The following LAMC1 variants were observed in gnomAD, a reference collection of about 807,000 sequenced individuals.
LAMC1 encodes laminin subunit gamma-1.
In LAMC1, 38 loss-of-function variants were observed where a neutral mutation model predicts 173.6. The observed-to-expected ratio is 0.22, with a 90% CI of 0.17 to 0.29. The LOEUF is 0.29. Among genes scored for constraint, LAMC1 ranks in the 10% least tolerant of loss-of-function variants. The pLI is 1.00. For missense variants in LAMC1, 1,824 were observed against 2,051.8 expected, an observed-to-expected ratio of 0.89 and a Z score of 2.14; for synonymous variants, 746 against 749.1, an observed-to-expected ratio of 1.00 and a Z score of 0.07.
chr1:183,071,705 C>A (rs1234796088), intron 1 of LAMC1, among the ~76,000 whole-genome samples: 1 of 152,176 alleles, frequency 6.6e-6, no homozygotes, highest in East Asian at 1.9e-4. Flanking sequence ...GCCGTATTTT[C>A]CCCATTTCTG....
intron 1 of LAMC1, among the ~76,000 whole-genome samples, chr1:183,053,610 A>G (rs1654496694): frequency 6.6e-6 from 1 of 151,928 alleles, no homozygotes; most frequent in East Asian, 1.9e-4. Flanking sequence ...AATCCAAAAC[A>G]TTCATAATGA....
In LAMC1 at chr1:183,144,362, G is replaced by C. The variant is rs1033910704; in HGVS notation, c.*1572G>C. ...GTAAATATACTTAGTCCTATTTCTAGAATGACACTCTGTTCACTTTGCTCA... is the reference window on the plus strand; with the variant it reads ...GTAAATATACTTAGTCCTATTTCTACAATGACACTCTGTTCACTTTGCTCA... On this transcript the variant is annotated 3_prime_UTR_variant, in exon 28 of 28. Coordinates refer to ENST00000258341, the MANE Select transcript of LAMC1 (RefSeq NM_002293.4). 3 of 152,642 alleles carry C rather than the reference G, an allele frequency of 2.0e-5. No homozygotes were observed. The highest frequency in any genetic ancestry group is 2.0e-4 in the Admixed American group (3 of 15,278). The allele number at this position is 152,642 out of a possible 1,614,324, so 9.5% of individuals were successfully genotyped here.
intron 27 of LAMC1, among the ~76,000 whole-genome samples, chr1:183,142,249 C>A (rs1244264700): frequency 1.3e-5 from 2 of 152,200 alleles, no homozygotes; most frequent in East Asian, 3.8e-4. Context: ...AACATGGTAG[C>A]TGTGCATTGA....
intron 9 of LAMC1, 33 bp downstream of exon 9, chr1:183,117,475 G>C (rs1317908850): frequency 6.2e-7 from 1 of 1,610,874 alleles, no homozygotes; most frequent in Non-Finnish European, 8.5e-7. Context: ...CTGACCTGCT[G>C]TGTGCCTCTG....
rs141552279 is a variant in LAMC1, at chr1:183,030,100, A to C, written c.418+5966A>C. On this transcript the variant is annotated intron_variant, in intron 1 of 27. Transcript: ENST00000258341. ...ATATTTTGTGACATGTGAAAATTTC[A>C]TGAAATTCAAATTTTAGTTACCCAT... 3.0e-4 allele frequency among the ~76,000 whole-genome samples: 46 copies of C among 152,356 alleles called. No homozygotes were observed. In the East Asian group the frequency reaches 8.1e-3, roughly 27 times the overall value.
At chr1:183,084,091 A>T (rs1370953101) in intron 1 of LAMC1, among the ~76,000 whole-genome samples, 1 of 152,190 alleles carries the variant, frequency 6.6e-6, no homozygotes, top group African/African-American at 2.4e-5. Flanking sequence ...GCTGTGGCTC[A>T]TGCCTGTAAT....
intron 23 of LAMC1, 73 bp downstream of exon 23, chr1:183,134,882 C>T: frequency 1.4e-6 from 2 of 1,474,122 alleles, no homozygotes; most frequent in Non-Finnish European, 1.9e-6. Context: ...TGTGATGATG[C>T]CGTACTTTCA....
intron 1 of LAMC1, among the ~76,000 whole-genome samples, chr1:183,036,693 A>T (rs1002673577): frequency 6.6e-6 from 1 of 152,158 alleles, no homozygotes; most frequent in Admixed American, 6.5e-5. Context: ...GCACAGCTGA[A>T]TGAATTCTTT....
chr1:183,133,282 C>T (rs1656848502), intron 21 of LAMC1, 124 bp from the exon 22 acceptor site: 8 of 777,936 alleles, frequency 1.0e-5, no homozygotes, highest in Non-Finnish European at 1.7e-5. Flanking sequence ...AAAATGCAAG[C>T]ATTTTAATGT....
chr1:183,116,073 T>C (rs1163537179), intron 6 of LAMC1, among the ~76,000 whole-genome samples: 1 of 145,258 alleles, frequency 6.9e-6, no homozygotes. Flanking sequence ...GAGCTTGCAG[T>C]GAGCCGAGAT....
At chr1:183,108,855 G>A (rs1247158429) in intron 3 of LAMC1, among the ~76,000 whole-genome samples, 1 of 152,202 alleles carries the variant, frequency 6.6e-6, no homozygotes, top group Non-Finnish European at 1.5e-5. Context: ...TAAAGCAGCA[G>A]TAGAAAAGAT....
intron 11 of LAMC1, among the ~76,000 whole-genome samples, chr1:183,120,555 T>TA (rs1417417805): frequency 1.3e-5 from 2 of 152,224 alleles, no homozygotes; most frequent in South Asian, 2.1e-4. Context: ...ACATGAAAAA[T>TA]ACGCTTTAAG....
At chr1:183,126,298 C>G in intron 16 of LAMC1, 36 bp downstream of exon 16, 4 of 1,601,766 alleles carry the variant, frequency 2.5e-6, no homozygotes. Flanking sequence ...TCTAAGCTTC[C>G]ACTAATTCCA....
intron 20 of LAMC1, 125 bp from the exon 21 acceptor site, chr1:183,132,275 G>T: frequency 1.6e-6 from 1 of 640,342 alleles, no homozygotes; most frequent in Non-Finnish European, 2.5e-6. Context: ...CTGGGTGACA[G>T]AGCGAGACTC....
intron 11 of LAMC1, 133 bp downstream of exon 11, chr1:183,118,279 T>TTATATATAAAGA (rs2102086293): frequency 5.6e-6 from 3 of 538,964 alleles, no homozygotes; most frequent in Non-Finnish European, 6.5e-6. Context: ...TATACATGAA[T>TTATATATAAAGA]TATATATAAA....
In LAMC1 at chr1:183,137,656, C is replaced by G. The variant is rs572437927; in HGVS notation, c.4315-13C>G. ...GCTTTTTTAAAAAAAGTACAATTTT[C>G]TTTTGTGCCTAGAATGCCACCAGCA... is the stretch of plus-strand genomic sequence containing the variant. On this transcript the variant is annotated splice_polypyrimidine_tract_variant and intron_variant, in intron 25 of 27. Coordinates refer to ENST00000258341, the MANE Select transcript of LAMC1 (RefSeq NM_002293.4). 51 of 1,522,902 alleles carry G rather than the reference C, an allele frequency of 3.3e-5. No homozygotes were observed. In the South Asian group the frequency reaches 6.6e-4, roughly 20 times the overall value. 94.3% of individuals were successfully genotyped at this position (1,522,902 alleles called of 1,614,324 possible).
Position 183,117,716 on chromosome 1 carries a change from G to A in LAMC1, c.1870G>A (p.Val624Ile). The A allele has an allele frequency of 6.2e-7, 1 of 1,613,152 alleles. No homozygotes were observed. Among genetic ancestry groups the A allele is most frequent in the Non-Finnish European group, 8.5e-7 (1 of 1,179,298 alleles). The change falls in exon 10 of 28, where the codon GTC becomes ATC. Residue 624 changes from valine (V) to isoleucine (I), a missense_variant. Physicochemically the swap from Val to Ile is conservative, Grantham distance 29. Transcript: ENST00000258341. The part of the protein sequence containing the change: ...SYPSETTVKY[V>I]FRLHEATDYP... ...TCCAAGTGAGACCACTGTGAAGTATGTCTTCAGGTAAGATAGCCTTCTTTG... is the reference window on the plus strand; with the variant it reads ...TCCAAGTGAGACCACTGTGAAGTATATCTTCAGGTAAGATAGCCTTCTTTG...
At chr1:183,115,667 G>A (rs1236815761) in intron 6 of LAMC1, 30 bp downstream of exon 6, 1 of 1,398,062 alleles carries the variant, frequency 7.2e-7, no homozygotes. Context: ...AGAAGAAGGG[G>A]GCAGAATCTA....
chr1:183,056,864 A>T (rs1654611065), intron 1 of LAMC1, among the ~76,000 whole-genome samples: 1 of 152,214 alleles, frequency 6.6e-6, no homozygotes, highest in South Asian at 2.1e-4. Flanking sequence ...TGGGACAGAG[A>T]GCTGCTTCTG....
Sources: gnomAD v4.1 joint callset for allele counts (sites outside exome capture counted in the v4.1 genomes callset) on GRCh38, gnomAD v4.1.1 for gene constraint, MANE v1.5 for transcripts, NCBI Gene and HGNC (gene_info 2026-07-23, HGNC 2026-07-21) for gene names.